Variants in RNF128 observed in about 807,000 individuals in gnomAD.
The protein encoded by RNF128 is ring finger protein 128, also known as E3 ubiquitin-protein ligase RNF128.
A neutral mutation model predicts 26.2 loss-of-function variants in RNF128; 13 were observed. The observed-to-expected ratio is 0.50, with a 90% CI of 0.32 to 0.79. The LOEUF (loss-of-function observed/expected upper bound fraction) is 0.79, where lower values mean the gene tolerates loss of function less well. Ranked by LOEUF, RNF128 falls within the 30% of genes least tolerant of loss-of-function variation. The pLI, the probability that RNF128 is intolerant of heterozygous loss-of-function variation, is 0.03. For synonymous variants in RNF128, 149 were observed against 142.5 expected, an observed-to-expected ratio of 1.05 and a Z score of -0.32; for missense variants, 315 against 349.7, an observed-to-expected ratio of 0.90 and a Z score of 0.79.
At chrX:106,721,850 T>A (rs1463224136), upstream of RNF128, among the ~76,000 whole-genome samples, 1 of 112,035 alleles carries the variant, frequency 8.9e-6, no homozygotes, top group Non-Finnish European at 1.9e-5. Context: ...TTGCTGTAAT[T>A]CTCTCTGGGC....
Position 106,796,411 on chromosome X carries a change from C to T in RNF128, c.*698C>T, listed in dbSNP as rs1228884604. ...TTACAAAAATACTGTGTAACTATTT[C>T]TCAAACTTGTGGGATTTTTCAAAAG... On this transcript the variant is annotated 3_prime_UTR_variant, in exon 7 of 7. Transcript: ENST00000255499. The T allele has an allele frequency of 9.0e-6, 1 of 111,603 alleles. No homozygotes were observed. Among genetic ancestry groups the T allele is most frequent in the Non-Finnish European group, 1.9e-5 (1 of 52,943 alleles). 9.2% of individuals were successfully genotyped at this position (111,603 alleles called of 1,213,427 possible). A position where few individuals can be genotyped will look rare whatever the true frequency, so the allele number is the denominator to read the frequency against.
chrX:106,713,037 C>A (rs1428197131), intron 1 of RNF128, among the ~76,000 whole-genome samples: 1 of 107,751 alleles, frequency 9.3e-6, no homozygotes, highest in Non-Finnish European at 1.9e-5. Context: ...TCCGCCGCTT[C>A]GCCCATCTAA....
intron 1 of RNF128, among the ~76,000 whole-genome samples, chrX:106,729,351 T>G (rs1929463324): frequency 9.0e-6 from 1 of 110,999 alleles, no homozygotes; most frequent in South Asian, 3.8e-4. Flanking sequence ...TTACTGAGCC[T>G]TGGATACCCC....
At chrX:106,765,267 T>C (rs768764632) in intron 1 of RNF128, among the ~76,000 whole-genome samples, 23 of 112,143 alleles carry the variant, frequency 2.1e-4, no homozygotes, top group African/African-American at 7.1e-4. Context: ...AATTAATAAC[T>C]TCAAATAAAG....
chrX:106,749,008 A>G (rs994033560), intron 1 of RNF128, among the ~76,000 whole-genome samples: 1 of 112,108 alleles, frequency 8.9e-6, no homozygotes, highest in African/African-American at 3.2e-5. Context: ...TACAACTATG[A>G]TACATCAATT....
chrX:106,747,691 T>C (rs182883212), intron 1 of RNF128, among the ~76,000 whole-genome samples: 35 of 112,157 alleles, frequency 3.1e-4, no homozygotes, highest in African/African-American at 1.1e-3. Flanking sequence ...TCAAAACCAA[T>C]ACAAAACAAT....
intron 1 of RNF128, among the ~76,000 whole-genome samples, chrX:106,708,668 T>G (rs1307487538): frequency 8.9e-6 from 1 of 112,084 alleles, no homozygotes; most frequent in Non-Finnish European, 1.9e-5. Flanking sequence ...ATAAAGCAGA[T>G]CCAGCAGTGC....
At chrX:106,777,886 C>G (rs1426995240) in intron 2 of RNF128, among the ~76,000 whole-genome samples, 2 of 111,219 alleles carry the variant, frequency 1.8e-5, no homozygotes, top group South Asian at 3.9e-4. Flanking sequence ...GGGAGAATCA[C>G]TTGAGCCCGG....
At chrX:106,724,729 T>C (rs2147666887), upstream of RNF128, among the ~76,000 whole-genome samples, 1 of 112,323 alleles carries the variant, frequency 8.9e-6, no homozygotes. Context: ...CTTCTCAGTC[T>C]GGGTTAGGTG....
chrX:106,742,350 C>A (rs1929715973), intron 1 of RNF128, among the ~76,000 whole-genome samples: 1 of 111,674 alleles, frequency 9.0e-6, no homozygotes, highest in Non-Finnish European at 1.9e-5. Flanking sequence ...AAGCTATAAA[C>A]AAACTCCAAT....
At chrX:106,725,110 C>T (rs56711259), upstream of RNF128, among the ~76,000 whole-genome samples, 20 of 111,303 alleles carry the variant, frequency 1.8e-4, no homozygotes, top group Middle Eastern at 4.7e-3. Flanking sequence ...TCTTCACCAG[C>T]AAAATCAGAC....
chrX:106,783,384 T>C (rs1930597155), intron 2 of RNF128, among the ~76,000 whole-genome samples: 1 of 111,697 alleles, frequency 9.0e-6, no homozygotes, highest in Admixed American at 9.6e-5. Context: ...TGATGAATGG[T>C]AGTTTACATT....
chrX:106,733,661 C>T (rs1929538840), intron 1 of RNF128, among the ~76,000 whole-genome samples: 1 of 110,972 alleles, frequency 9.0e-6, no homozygotes, highest in South Asian at 3.8e-4. Flanking sequence ...ATATACAAAT[C>T]TGTTTTAGCA....
At chrX:106,789,330 ATATTT>A (rs1386281764) in intron 4 of RNF128, among the ~76,000 whole-genome samples, 2 of 96,770 alleles carry the variant, frequency 2.1e-5, no homozygotes, top group Non-Finnish European at 4.1e-5. Flanking sequence ...TACTATCCTT[ATATTT>A]ATGTGTATTT....
chrX:106,760,237 G>A (rs1343972649), intron 1 of RNF128, among the ~76,000 whole-genome samples: 2 of 111,568 alleles, frequency 1.8e-5, no homozygotes, highest in Non-Finnish European at 3.8e-5. Flanking sequence ...AAAAATAGCA[G>A]ATAAAGGCAT....
At chrX:106,744,213 A>G (rs1324100315) in intron 1 of RNF128, among the ~76,000 whole-genome samples, 1 of 111,434 alleles carries the variant, frequency 9.0e-6, no homozygotes, top group African/African-American at 3.3e-5. Flanking sequence ...ACAAACCTGC[A>G]CGTTGTGCAC....
intron 2 of RNF128, among the ~76,000 whole-genome samples, chrX:106,775,774 A>G (rs1187719840): frequency 8.9e-6 from 1 of 112,049 alleles, no homozygotes; most frequent in Non-Finnish European, 1.9e-5. Flanking sequence ...TCTCCATTTT[A>G]CTGGTAGAAA....
chrX:106,732,089 T>C (rs1929511021), intron 1 of RNF128, among the ~76,000 whole-genome samples: 1 of 112,014 alleles, frequency 8.9e-6, no homozygotes, highest in South Asian at 3.7e-4. Flanking sequence ...CATTCTCTAT[T>C]CTTTTCCACT....
chrX:106,758,986 G>A (rs951737757), intron 1 of RNF128, among the ~76,000 whole-genome samples: 1 of 111,579 alleles, frequency 9.0e-6, no homozygotes, highest in African/African-American at 3.3e-5. Flanking sequence ...CAATCAGCAA[G>A]TAGAAGAGAC....
Sources: gnomAD v4.1 joint callset for allele counts (sites outside exome capture counted in the v4.1 genomes callset) on GRCh38, gnomAD v4.1.1 for gene constraint, MANE v1.5 for transcripts, NCBI Gene and HGNC (gene_info 2026-07-23, HGNC 2026-07-21) for gene names.